TRPM1: variants seen among roughly 807,000 people sequenced by gnomAD.
The protein encoded by TRPM1 is TRPM1-203 APA Isoform, Intron 10.
Under a neutral mutation model 149.4 loss-of-function variants are expected in TRPM1, and 113 were observed. The observed-to-expected ratio is 0.76, with a 90% CI of 0.65 to 0.88. TRPM1 has a LOEUF of 0.88. Among genes scored for constraint, TRPM1 ranks in the 40% least tolerant of loss-of-function variants. TRPM1 has a pLI of 0.00. For synonymous variants in TRPM1, 741 were observed against 759.5 expected, an observed-to-expected ratio of 0.98 and a Z score of 0.40; for missense variants, 1,976 against 2,038.7, an observed-to-expected ratio of 0.97 and a Z score of 0.59.
At chr15:31,138,476 C>T (rs763895380) in intron 1 of TRPM1, among the ~76,000 whole-genome samples, 1 of 152,114 alleles carries the variant, frequency 6.6e-6, no homozygotes, top group African/African-American at 2.4e-5. Flanking sequence ...AGGAATGAGC[C>T]CAGGAATAGA....
rs114596391 is a variant in TRPM1 at position 31,013,344 on chromosome 15, T to C, written c.3630-10274A>G. On this transcript the variant is annotated intron_variant, in intron 27 of 27. Transcript: ENST00000256552. The stretch of plus-strand genomic sequence containing the variant: ...TAAAAATATATATAATTTCTACCTC[T>C]TTTTTTTTGAGACCTCGTCTACTAC... Among the ~76,000 whole-genome samples, 732 of 151,238 alleles carry C rather than the reference T, an allele frequency of 4.8e-3. 5 individuals carry two copies. The highest frequency in any genetic ancestry group is 0.017 in the African/African-American group (708 of 41,306).
intron 27 of TRPM1, among the ~76,000 whole-genome samples, chr15:31,012,986 T>TC: frequency 6.7e-6 from 1 of 150,210 alleles, no homozygotes; most frequent in African/African-American, 2.5e-5. Context: ...CTTTTTTTTT[T>TC]TCTTTTTTTT....
intron 11 of TRPM1, among the ~76,000 whole-genome samples, chr15:31,050,894 T>TA (rs1363138657): frequency 1.3e-5 from 2 of 152,180 alleles, no homozygotes; most frequent in South Asian, 4.1e-4. Context: ...TTTGCATACT[T>TA]AAAGTGGCTG....
At chr15:31,011,173 CTG>C (rs2032170905) in intron 27 of TRPM1, among the ~76,000 whole-genome samples, 1 of 152,076 alleles carries the variant, frequency 6.6e-6, no homozygotes, top group South Asian at 2.1e-4. Context: ...ATCTTTGAAT[CTG>C]AAGTGAGTCT....
chr15:31,154,282 G>A (rs2036339972), intron 1 of TRPM1, among the ~76,000 whole-genome samples: 2 of 152,156 alleles, frequency 1.3e-5, no homozygotes, highest in Non-Finnish European at 2.9e-5. Flanking sequence ...CAGATTTTGG[G>A]TTTTATTCTT....
chr15:31,091,137 T>C lies in TRPM1; in HGVS notation c.-83-9699A>G, dbSNP rs556779521. On this transcript the variant is annotated intron_variant, in intron 1 of 27. Transcript: ENST00000256552. The stretch of plus-strand genomic sequence containing the variant: ...GGTTGGGTGGACTGATGACATTGTC[T>C]GCAATTCCCTCATCCATGGCCGAGG... Among the ~76,000 whole-genome samples, 8 of 152,348 alleles carry C rather than the reference T, an allele frequency of 5.3e-5. No individual in the cohort carries two copies. The South Asian group carries it at 1.5e-3, about 28-fold the overall frequency.
chr15:31,067,078 G>C lies in TRPM1; in HGVS notation c.603C>G (p.Asp201Glu), dbSNP rs1429089056. Reference sequence around the variant, plus strand: ...AAACACTTACATCCTTTCCAACCAGGTCTTCCTTATTCTCCACGATGCCCC... The same window carrying C: ...AAACACTTACATCCTTTCCAACCAGCTCTTCCTTATTCTCCACGATGCCCC... ...APWGIVENKE[D>E]LVGKDVTRVY... Residue 201 changes from aspartate to glutamate, a missense_variant, in exon 6 of 28, where the codon GAC becomes GAG. By Grantham distance (45) the Asp-to-Glu change is conservative. This residue lies in a region of TRPM1 where 1,332 missense variants were observed against 1,347.1 expected (regional missense o/e 0.99). Transcript: ENST00000256552. The C allele has an allele frequency of 6.2e-7, 1 of 1,614,124 alleles. No homozygotes were observed. Among genetic ancestry groups the C allele is most frequent in the Non-Finnish European group, 8.5e-7 (1 of 1,180,030 alleles).
chr15:31,060,846 C>T (rs976925972), intron 10 of TRPM1, among the ~76,000 whole-genome samples: 1 of 152,208 alleles, frequency 6.6e-6, no homozygotes, highest in African/African-American at 2.4e-5. Context: ...AGCCTCTTCC[C>T]ATGCCAGCTG....
intron 2 of TRPM1, among the ~76,000 whole-genome samples, chr15:31,079,314 G>A (rs2140980645): frequency 6.6e-6 from 1 of 152,300 alleles, no homozygotes; most frequent in South Asian, 2.1e-4. Flanking sequence ...TTAGCTGGGT[G>A]CTTCTGACTC....
rs2036159364 is a variant in TRPM1 at position 31,141,347 on chromosome 15, C to G, written c.54+19559G>C. ...AAATTTTTAATTAATATAGGTAATT[C>G]TGTACACAAAGTGTATTAAAAAAGT... is the stretch of plus-strand genomic sequence containing the variant. On this transcript the variant is annotated intron_variant, in intron 1 of 26. Coordinates refer to the TRPM1 transcript ENST00000542188. 2.6e-5 allele frequency among the ~76,000 whole-genome samples: 4 copies of G among 151,960 alleles called. No individual in the cohort carries two copies. The South Asian group carries it at 8.3e-4, about 32-fold the overall frequency.
intron 22 of TRPM1, 55 bp downstream of exon 22, chr15:31,032,634 A>G: frequency 6.2e-7 from 1 of 1,611,892 alleles, no homozygotes; most frequent in Non-Finnish European, 8.5e-7. Context: ...GCCTGTTCTT[A>G]TGTCCTAACT....
chr15:31,116,240 A>G (rs1015744695), intron 1 of TRPM1, among the ~76,000 whole-genome samples: 1 of 152,162 alleles, frequency 6.6e-6, no homozygotes, highest in African/African-American at 2.4e-5. Flanking sequence ...CCTGTCTCAC[A>G]TAAGTTGGGG....
intron 1 of TRPM1, among the ~76,000 whole-genome samples, chr15:31,129,980 C>T (rs1388427312): frequency 6.6e-6 from 1 of 152,242 alleles, no homozygotes; most frequent in Non-Finnish European, 1.5e-5. Context: ...AAAGCATCCA[C>T]TTCCTCCATG....
chr15:31,016,450 G>A (rs142755559), intron 27 of TRPM1, among the ~76,000 whole-genome samples: 368 of 152,140 alleles, frequency 2.4e-3, no homozygotes, highest in African/African-American at 7.7e-3. Flanking sequence ...TTCTGGGTTT[G>A]GATTTACTTG....
At chr15:31,113,325 G>A (rs545597296) in intron 1 of TRPM1, among the ~76,000 whole-genome samples, 3 of 152,100 alleles carry the variant, frequency 2.0e-5, no homozygotes, top group Non-Finnish European at 2.9e-5. Flanking sequence ...CTGAGCCCCT[G>A]ACTGGGAAAG....
chr15:31,115,844 T>C (rs887630188), intron 1 of TRPM1, among the ~76,000 whole-genome samples: 1 of 151,934 alleles, frequency 6.6e-6, no homozygotes, highest in Admixed American at 6.5e-5. Context: ...CAAACATTTA[T>C]TTCTCACAGT....
intron 1 of TRPM1, among the ~76,000 whole-genome samples, chr15:31,140,377 T>TA (rs200856663): frequency 0.096 from 14,020 of 146,406 alleles, 727 homozygotes; most frequent in African/African-American, 0.13. Context: ...AGAATCCGTC[T>TA]AAAAAAAAAA....
chr15:31,016,095 G>A (rs1406921263), intron 27 of TRPM1, among the ~76,000 whole-genome samples: 1 of 152,102 alleles, frequency 6.6e-6, no homozygotes, highest in Non-Finnish European at 1.5e-5. Flanking sequence ...GTGATGTCAG[G>A]GACCTCAGCC....
At position 31,152,716 on chromosome 15, in the gene TRPM1, C is replaced by T. The variant is rs114646324; in HGVS notation, c.54+8190G>A. ...ACAGTGTTGTGGTGCGATCATGGCT[C>T]GCTGCAGCCTTGACCTACCAAGATT... is the stretch of plus-strand genomic sequence containing the variant. On this transcript the variant is annotated intron_variant, in intron 1 of 26. Coordinates refer to the TRPM1 transcript ENST00000542188. Among the ~76,000 whole-genome samples the T allele has an allele frequency of 5.9e-3, 892 of 152,266 alleles. 6 individuals are homozygous for T. Among genetic ancestry groups the T allele is most frequent in the African/African-American group, 0.02 (849 of 41,532 alleles).
Sources: allele counts gnomAD v4.1 joint callset (sites outside exome capture counted in the v4.1 genomes callset), GRCh38; gene constraint gnomAD v4.1.1; regional missense constraint gnomAD v4.1.1; transcripts MANE v1.5; gene names NCBI Gene and HGNC (gene_info 2026-07-23, HGNC 2026-07-21).